Variants in DNAH11 observed in about 807,000 individuals in gnomAD.
The protein encoded by DNAH11 is axonemal beta dynein heavy chain 11.
In DNAH11, 442 loss-of-function variants were observed where a neutral mutation model predicts 526.0. That is an observed-to-expected ratio of 0.84 (90% CI 0.78 to 0.91). The LOEUF (loss-of-function observed/expected upper bound fraction) is 0.91, where lower values mean the gene tolerates loss of function less well. DNAH11 is among the 40% of genes least tolerant of loss of function. The probability of loss-of-function intolerance (pLI) is 0.00; values close to 1 mark genes in which losing one functional copy is unlikely to be tolerated. For synonymous variants in DNAH11, 2,461 were observed against 1,935.9 expected, an observed-to-expected ratio of 1.27 and a Z score of -7.12; for missense variants, 6,989 against 5,448.7, an observed-to-expected ratio of 1.28 and a Z score of -8.90.
chr7:21,704,178 C>G (rs1439447442), intron 37 of DNAH11, among the ~76,000 whole-genome samples: 2 of 152,160 alleles, frequency 1.3e-5, no homozygotes, highest in African/African-American at 4.8e-5. Context: ...CAAAACAGAT[C>G]ATTGGCAGGG....
intron 35 of DNAH11, among the ~76,000 whole-genome samples, chr7:21,694,723 G>A (rs1360640065): frequency 6.6e-6 from 1 of 152,166 alleles, no homozygotes; most frequent in Non-Finnish European, 1.5e-5. Flanking sequence ...CCAGTAATGG[G>A]ATTGCTGGGT....
intron 68 of DNAH11, among the ~76,000 whole-genome samples, chr7:21,860,683 G>C (rs1284505742): frequency 6.6e-6 from 1 of 152,090 alleles, no homozygotes; most frequent in African/African-American, 2.4e-5. Context: ...ATTCAAATGA[G>C]CCAGTCACAG....
chr7:21,798,637 T>C (rs751309284), intron 61 of DNAH11, among the ~76,000 whole-genome samples: 7 of 152,224 alleles, frequency 4.6e-5, no homozygotes, highest in Non-Finnish European at 1.0e-4. Flanking sequence ...CTGATCTTTG[T>C]CTCAGTTTCC....
At chr7:21,666,256 C>T (rs969302182) in intron 30 of DNAH11, among the ~76,000 whole-genome samples, 3 of 151,322 alleles carry the variant, frequency 2.0e-5, no homozygotes, top group Non-Finnish European at 2.9e-5. Context: ...ATATCGCTGC[C>T]TTGTCAGAGT....
chr7:21,585,315 A>C (rs891423426), intron 9 of DNAH11, among the ~76,000 whole-genome samples: 4 of 152,158 alleles, frequency 2.6e-5, no homozygotes, highest in African/African-American at 9.7e-5. Context: ...ATGAGGGTAA[A>C]CTGCTGCAAG....
chr7:21,887,885 C>A (rs1369715603), intron 76 of DNAH11, among the ~76,000 whole-genome samples: 2 of 152,052 alleles, frequency 1.3e-5, no homozygotes, highest in Non-Finnish European at 2.9e-5. Context: ...GCAGCTGAAC[C>A]AGAATTTAAA....
Position 21,830,254 on chromosome 7 carries a change from G to A in DNAH11, c.10691+11915G>A, listed in dbSNP as rs143317686. On this transcript the variant is annotated intron_variant, in intron 65 of 81. Coordinates refer to ENST00000409508, the MANE Select transcript of DNAH11 (RefSeq NM_001277115.2). ...TAAACAGTAGAAAACTTTTATACAA[G>A]TTGAATGATTTATTGTAAAAAAATT... is the stretch of plus-strand genomic sequence containing the variant. 2.7e-5 allele frequency among the ~76,000 whole-genome samples: 4 copies of A among 148,122 alleles called. No homozygotes were observed. The East Asian group carries it at 8.0e-4, about 30-fold the overall frequency.
intron 58 of DNAH11, among the ~76,000 whole-genome samples, chr7:21,786,134 G>C (rs1481961814): frequency 6.6e-6 from 1 of 152,164 alleles, no homozygotes; most frequent in Non-Finnish European, 1.5e-5. Context: ...TCCTAGTTGA[G>C]AGTTCCTGTA....
At position 21,687,444 on chromosome 7, in the gene DNAH11, C is replaced by G. The variant is rs1277019482; in HGVS notation, c.5841C>G (p.Phe1947Leu). The change falls in exon 34 of 82, where the codon TTC becomes TTG. Residue 1947 changes from phenylalanine (F) to leucine (L), a missense_variant. Physicochemically the swap from Phe to Leu is conservative, Grantham distance 22. Coordinates refer to ENST00000409508, the MANE Select transcript of DNAH11 (RefSeq NM_001277115.2). ...GAGCTTGGGGCTGCTTTGATGAGTT[C>G]AACCGAATCTCTGTGGAAGTTCTGT... The part of the protein sequence containing the change: ...QTGAWGCFDE[F>L]NRISVEVLSV... 3 of 1,613,938 alleles carry G rather than the reference C, an allele frequency of 1.9e-6. No individual in the cohort carries two copies. Among genetic ancestry groups the G allele is most frequent in the Non-Finnish European group, 2.5e-6 (3 of 1,179,920 alleles).
In DNAH11 at chr7:21,610,210, C is replaced by T. The variant is rs566354258; in HGVS notation, c.3852+3477C>T. Among the ~76,000 whole-genome samples, 1,085 of 152,144 alleles carry T rather than the reference C, an allele frequency of 7.1e-3. 10 individuals carry two copies. Among genetic ancestry groups the T allele is most frequent in the African/African-American group, 0.014 (578 of 41,504 alleles). ...TGTAGCTTGCAGTGAGCCGAGATTG[C>T]GCCACTTCACTCCAGCCTGGGCGAC... is the stretch of plus-strand genomic sequence containing the variant. On this transcript the variant is annotated intron_variant, in intron 20 of 81. Coordinates refer to ENST00000409508, the MANE Select transcript of DNAH11 (RefSeq NM_001277115.2).
At chr7:21,661,343 G>A (rs373790629) in intron 30 of DNAH11, among the ~76,000 whole-genome samples, 7 of 151,882 alleles carry the variant, frequency 4.6e-5, no homozygotes, top group Non-Finnish European at 8.8e-5. Flanking sequence ...TATTTTAGGA[G>A]TTTGTGCAGT....
intron 65 of DNAH11, among the ~76,000 whole-genome samples, chr7:21,826,307 C>G (rs1790296312): frequency 6.6e-6 from 1 of 151,742 alleles, no homozygotes; most frequent in Non-Finnish European, 1.5e-5. Context: ...AGGAGAGAAA[C>G]TAAAAAGTAT....
chr7:21,871,442 C>T (rs532538672), intron 73 of DNAH11, among the ~76,000 whole-genome samples: 2 of 152,338 alleles, frequency 1.3e-5, no homozygotes, highest in South Asian at 2.1e-4. Context: ...CTGTGCTCCA[C>T]GATGGCTTGC....
intron 74 of DNAH11, among the ~76,000 whole-genome samples, chr7:21,878,560 GAA>G (rs1783800964): frequency 6.6e-6 from 1 of 152,010 alleles, no homozygotes; most frequent in Non-Finnish European, 1.5e-5. Flanking sequence ...TTTATTTGTG[GAA>G]AAGTTATTTT....
At chr7:21,757,130 A>G (rs761706721) in intron 54 of DNAH11, among the ~76,000 whole-genome samples, 2 of 152,174 alleles carry the variant, frequency 1.3e-5, no homozygotes, top group Non-Finnish European at 2.9e-5. Context: ...TAGCTTCTGC[A>G]TTTTGTTCTT....
intron 58 of DNAH11, 58 bp from the exon 59 acceptor site, chr7:21,786,566 C>A (rs1788202084): frequency 2.0e-6 from 3 of 1,524,130 alleles, no homozygotes; most frequent in African/African-American, 1.4e-5. Context: ...ACTTACAGAG[C>A]TTCTCCAGAC....
At chr7:21,897,866 C>A (rs1033666375) in intron 79 of DNAH11, among the ~76,000 whole-genome samples, 21 of 152,196 alleles carry the variant, frequency 1.4e-4, no homozygotes. Flanking sequence ...ATCCACCTGC[C>A]TCGGCCTCCC....
chr7:21,786,189 A>G (rs1788175659), intron 58 of DNAH11, among the ~76,000 whole-genome samples: 1 of 152,158 alleles, frequency 6.6e-6, no homozygotes, highest in Admixed American at 6.5e-5. Flanking sequence ...AGACAGAAAA[A>G]CAAACCTAAG....
chr7:21,880,017 A>G lies in DNAH11; in HGVS notation c.12196-685A>G, dbSNP rs180864175. 8.0e-3 allele frequency among the ~76,000 whole-genome samples: 1,211 copies of G among 151,052 alleles called. 10 individuals carry two copies. The highest frequency in any genetic ancestry group is 0.011 in the Non-Finnish European group (718 of 67,824). On this transcript the variant is annotated intron_variant, in intron 74 of 81. Transcript: ENST00000409508. ...GGAGAATTACTTGAACCCAGGAGGC[A>G]GAGGTTGCAATGAGCTGAGTTGGTG... is the stretch of plus-strand genomic sequence containing the variant.
Sources: gnomAD v4.1 joint callset for allele counts (sites outside exome capture counted in the v4.1 genomes callset) on GRCh38, gnomAD v4.1.1 for gene constraint, MANE v1.5 for transcripts, NCBI Gene and HGNC (gene_info 2026-07-23, HGNC 2026-07-21) for gene names.